The following DCAF6 variants were observed in gnomAD, a reference collection of about 807,000 sequenced individuals.
The protein encoded by DCAF6 is DDB1- and CUL4-associated factor 6.
DCAF6 carries 54 observed loss-of-function variants against 125.1 expected under a neutral mutation model. The ratio of observed to expected loss-of-function variants is 0.43; its 90% CI spans 0.35 to 0.54. The LOEUF (loss-of-function observed/expected upper bound fraction) is 0.54, where lower values mean the gene tolerates loss of function less well. DCAF6 is among the 20% of genes least tolerant of loss of function. The pLI is 0.01. For synonymous variants in DCAF6, 371 were observed against 390.4 expected, an observed-to-expected ratio of 0.95 and a Z score of 0.58; for missense variants, 934 against 1,161.7, an observed-to-expected ratio of 0.80 and a Z score of 2.85.
the DCAF6 span, among the ~76,000 whole-genome samples, chr1:167,874,026 A>T: frequency 6.6e-6 from 1 of 152,202 alleles, no homozygotes; most frequent in Non-Finnish European, 1.5e-5. Flanking sequence ...GAAAAATTGT[A>T]CAGGTACTTT....
At chr1:167,967,421 T>C (rs543855724) in intron 3 of DCAF6, among the ~76,000 whole-genome samples, 1 of 152,196 alleles carries the variant, frequency 6.6e-6, no homozygotes, top group Non-Finnish European at 1.5e-5. Context: ...GAATGTTTCC[T>C]TTACAAGGAT....
chr1:168,052,038 G>A (rs943105545), intron 17 of DCAF6, among the ~76,000 whole-genome samples: 5 of 151,864 alleles, frequency 3.3e-5, no homozygotes, highest in African/African-American at 1.2e-4. Flanking sequence ...CCACCCACCA[G>A]GCCCAGTTAA....
chr1:167,937,192 G>C, intron 1 of DCAF6, 184 bp downstream of exon 1: 1 of 612,524 alleles, frequency 1.6e-6, no homozygotes, highest in Non-Finnish European at 3.0e-6. Context: ...AGCCCCCTGT[G>C]CATGCTGCCA....
At chr1:167,899,109 C>T in the DCAF6 span, among the ~76,000 whole-genome samples, 1 of 152,156 alleles carries the variant, frequency 6.6e-6, no homozygotes, top group Non-Finnish European at 1.5e-5. Context: ...TTCCCCTCTG[C>T]TCCTGGATGA....
intron 3 of DCAF6, 138 bp downstream of exon 3, chr1:167,966,859 T>C (rs1467269203): frequency 1.7e-6 from 1 of 586,624 alleles, no homozygotes; most frequent in East Asian, 3.0e-5. Context: ...TATTGTATAA[T>C]TTAGAGGTTC....
At chr1:168,018,297 G>A (rs964649690) in intron 11 of DCAF6, among the ~76,000 whole-genome samples, 5 of 152,152 alleles carry the variant, frequency 3.3e-5, no homozygotes, top group African/African-American at 1.2e-4. Flanking sequence ...GGCACCAAAT[G>A]ATATCACCTT....
the DCAF6 span, among the ~76,000 whole-genome samples, chr1:167,910,795 C>T: frequency 6.6e-6 from 1 of 152,186 alleles, no homozygotes; most frequent in Non-Finnish European, 1.5e-5. Flanking sequence ...CTCTATTCTT[C>T]CCTCTCCTGC....
the DCAF6 span, among the ~76,000 whole-genome samples, chr1:167,905,628 G>A: frequency 6.6e-6 from 1 of 151,250 alleles, no homozygotes; most frequent in African/African-American, 2.4e-5. Context: ...GATGTGATTC[G>A]TGTGTGTGAG....
chr1:168,042,910 C>A, intron 13 of DCAF6, 115 bp from the exon 14 acceptor site: 1 of 611,724 alleles, frequency 1.6e-6, no homozygotes, highest in South Asian at 2.4e-5. Context: ...ATTATAAATC[C>A]TACATTTTAC....
At chr1:168,022,934 GC>G in intron 11 of DCAF6, 53 bp from the exon 12 acceptor site, 1 of 1,479,392 alleles carries the variant, frequency 6.8e-7, no homozygotes, top group Admixed American at 1.7e-5. Flanking sequence ...TCATGACATT[GC>G]TGTGCAGTTT....
intron 1 of DCAF6, among the ~76,000 whole-genome samples, chr1:167,950,524 TTTACCTAGCCATC>T (rs1364533999): frequency 6.6e-6 from 1 of 152,214 alleles, no homozygotes; most frequent in Non-Finnish European, 1.5e-5. Flanking sequence ...ATGTTCATCC[TTTACCTAGCCATC>T]TTACCAGTTA....
In DCAF6 at chr1:168,004,744, A is replaced by G. The variant is rs750213293; in HGVS notation, c.1329A>G (p.Glu443=). 1 of 1,613,994 alleles carries G rather than the reference A, an allele frequency of 6.2e-7. No individual in the cohort carries two copies. Among genetic ancestry groups the G allele is most frequent in the Admixed American group, 1.7e-5 (1 of 60,006 alleles). Residue 443 remains glutamate, a synonymous_variant, in exon 10 of 22, where the codon GAA becomes GAG. Transcript: ENST00000367840. ...STPLLSSPDS[E]QRQSVEASGH... is the part of the protein sequence containing the mutation. ...CTTTGCTATCTTCTCCAGACAGTGA[A>G]CAAAGGCAGTCTGTTGAGGCATCTG...
the DCAF6 span, among the ~76,000 whole-genome samples, chr1:167,907,164 C>A: frequency 6.6e-6 from 1 of 152,156 alleles, no homozygotes; most frequent in South Asian, 2.1e-4. Flanking sequence ...TCTCAAAAAA[C>A]CATGGAGAAC....
At chr1:168,053,455 C>T (rs960396844) in intron 17 of DCAF6, among the ~76,000 whole-genome samples, 5 of 152,156 alleles carry the variant, frequency 3.3e-5, no homozygotes, top group South Asian at 4.1e-4. Context: ...AGGGGTCCCA[C>T]GGCCTCCCCA....
the DCAF6 span, among the ~76,000 whole-genome samples, chr1:167,894,723 T>G: frequency 6.6e-6 from 1 of 152,170 alleles, no homozygotes; most frequent in African/African-American, 2.4e-5. Context: ...GTGAGTCATT[T>G]CAGTGAATTA....
At chr1:167,981,052 G>A (rs948499499) in intron 4 of DCAF6, among the ~76,000 whole-genome samples, 43 of 151,376 alleles carry the variant, frequency 2.8e-4, no homozygotes, top group African/African-American at 8.2e-4. Flanking sequence ...GATTACAGGC[G>A]CATGCCACCA....
chr1:167,937,239 G>T, intron 1 of DCAF6: 1 of 591,518 alleles, frequency 1.7e-6, no homozygotes, highest in Non-Finnish European at 3.1e-6. Context: ...GGAGGGCCGG[G>T]CCGTGGGCAG....
intron 12 of DCAF6, among the ~76,000 whole-genome samples, chr1:168,030,155 TAAGA>T (rs947864969): frequency 9.9e-5 from 15 of 152,072 alleles, no homozygotes; most frequent in Non-Finnish European, 1.5e-4. Flanking sequence ...GAGTGTTATA[TAAGA>T]AAGGGGAAAT....
At chr1:168,009,386 C>CCTTCCTTCCTTCCTTCCTTCCTTT (rs1374012470) in intron 10 of DCAF6, among the ~76,000 whole-genome samples, 2 of 75,542 alleles carry the variant, frequency 2.6e-5, no homozygotes, top group Non-Finnish European at 5.5e-5. Flanking sequence ...TTCCTTCCTT[C>CCTTCCTTCCTTCCTTCCTTCCTTT]CTTTCTTTCT....
Sources: allele counts gnomAD v4.1 joint callset (sites outside exome capture counted in the v4.1 genomes callset), GRCh38; gene constraint gnomAD v4.1.1; transcripts MANE v1.5; gene names NCBI Gene and HGNC (gene_info 2026-07-23, HGNC 2026-07-21).